CSMD1: variants seen among roughly 807,000 people sequenced by gnomAD.
The protein encoded by CSMD1 is CUB and Sushi multiple domains 1.
CSMD1 carries 213 observed loss-of-function variants against 417.5 expected under a neutral mutation model. The ratio of observed to expected loss-of-function variants is 0.51; its 90% CI spans 0.46 to 0.57. CSMD1 has a LOEUF of 0.57. CSMD1 is among the 20% of genes least tolerant of loss of function. CSMD1 has a pLI of 0.00. For synonymous variants in CSMD1, 2,862 were observed against 1,736.8 expected, an observed-to-expected ratio of 1.65 and a Z score of -16.11; for missense variants, 6,923 against 4,529.7, an observed-to-expected ratio of 1.53 and a Z score of -15.17.
At chr8:3,904,185 C>G (rs1232394654) in intron 5 of CSMD1, among the ~76,000 whole-genome samples, 1 of 152,072 alleles carries the variant, frequency 6.6e-6, no homozygotes, top group East Asian at 1.9e-4. Flanking sequence ...TTCTGGAGAA[C>G]CGGCCTGTGT....
intron 4 of CSMD1, among the ~76,000 whole-genome samples, chr8:4,022,477 G>A (rs371137695): frequency 2.6e-5 from 4 of 152,122 alleles, no homozygotes; most frequent in African/African-American, 7.2e-5. Flanking sequence ...CCTTGCTCAG[G>A]TTTAAAGACT....
chr8:4,576,216 C>A (rs984396971), intron 2 of CSMD1, among the ~76,000 whole-genome samples: 1 of 152,222 alleles, frequency 6.6e-6, no homozygotes, highest in Non-Finnish European at 1.5e-5. Context: ...CTCCAGTCCC[C>A]ACCTCGTCTT....
chr8:3,262,010 G>C (rs1484968786), intron 26 of CSMD1, among the ~76,000 whole-genome samples: 2 of 151,682 alleles, frequency 1.3e-5, no homozygotes, highest in African/African-American at 4.9e-5. Flanking sequence ...ACTGGGTAAA[G>C]TGTGCACAGG....
intron 49 of CSMD1, among the ~76,000 whole-genome samples, chr8:3,085,912 T>C (rs1273563830): frequency 6.6e-6 from 1 of 152,174 alleles, no homozygotes; most frequent in African/African-American, 2.4e-5. Flanking sequence ...GAGCACACTC[T>C]CTTTAGGCTC....
At chr8:3,302,979 AG>A (rs1382138460) in intron 25 of CSMD1, among the ~76,000 whole-genome samples, 2 of 152,212 alleles carry the variant, frequency 1.3e-5, no homozygotes, top group African/African-American at 2.4e-5. Context: ...CCAGAGCCCC[AG>A]GTTAAAGGGG....
At chr8:3,244,620 A>G (rs1484257383) in intron 26 of CSMD1, among the ~76,000 whole-genome samples, 1 of 152,222 alleles carries the variant, frequency 6.6e-6, no homozygotes, top group African/African-American at 2.4e-5. Flanking sequence ...AAGGCAGGAC[A>G]GCCAGGGTGA....
intron 5 of CSMD1, among the ~76,000 whole-genome samples, chr8:3,776,569 A>T (rs760565552): frequency 6.6e-6 from 1 of 151,940 alleles, no homozygotes; most frequent in Non-Finnish European, 1.5e-5. Flanking sequence ...CTCAAAGGTG[A>T]CTCACCTTCT....
chr8:2,993,274 C>T (rs1187910420), intron 54 of CSMD1, among the ~76,000 whole-genome samples: 2 of 152,176 alleles, frequency 1.3e-5, no homozygotes, highest in Non-Finnish European at 2.9e-5. Flanking sequence ...AAATTTGAAG[C>T]AACAAATGGG....
At chr8:4,100,499 T>G (rs12674985) in intron 3 of CSMD1, among the ~76,000 whole-genome samples, 1 of 151,916 alleles carries the variant, frequency 6.6e-6, no homozygotes, top group South Asian at 2.1e-4. Flanking sequence ...TCTCATCAAC[T>G]ATAAAATGGA....
rs535569312 is a variant in CSMD1, at chr8:3,235,475, A to T, written c.4154-5244T>A. 1.4e-3 allele frequency among the ~76,000 whole-genome samples: 216 copies of T among 152,310 alleles called. 1 individual carries two copies. The highest frequency in any genetic ancestry group is 5.1e-3 in the African/African-American group (211 of 41,582). ...TCTGGGAGTTAATAGGATCTGGTCA[A>T]ATGAGATTGGCAAATACTGCACACC... On this transcript the variant is annotated intron_variant, in intron 26 of 69. Coordinates refer to ENST00000635120, the MANE Select transcript of CSMD1 (RefSeq NM_033225.6).
chr8:4,101,368 A>G (rs752376013), intron 3 of CSMD1, among the ~76,000 whole-genome samples: 5 of 152,098 alleles, frequency 3.3e-5, no homozygotes, highest in Admixed American at 6.5e-5. Context: ...ACCACATTCC[A>G]TCTGGGGCCC....
chr8:3,310,810 G>C (rs545408554), intron 23 of CSMD1, among the ~76,000 whole-genome samples: 33 of 82,100 alleles, frequency 4.0e-4, no homozygotes, highest in African/African-American at 9.9e-4. Flanking sequence ...GCACCCAGGA[G>C]GTATCCACCT....
At chr8:4,606,217 A>G (rs1800859822) in intron 2 of CSMD1, among the ~76,000 whole-genome samples, 1 of 152,188 alleles carries the variant, frequency 6.6e-6, no homozygotes, top group South Asian at 2.1e-4. Context: ...TGCAGGTCTA[A>G]GAGTTGGAAG....
At chr8:4,829,007 A>G (rs1270326522) in intron 1 of CSMD1, among the ~76,000 whole-genome samples, 2 of 152,144 alleles carry the variant, frequency 1.3e-5, no homozygotes, top group African/African-American at 4.8e-5. Context: ...TGCACTAATT[A>G]TTATTATTAG....
chr8:4,963,371 T>C (rs1440651794), intron 1 of CSMD1, among the ~76,000 whole-genome samples: 1 of 152,114 alleles, frequency 6.6e-6, no homozygotes, highest in Non-Finnish European at 1.5e-5. Context: ...AGCTAATTTT[T>C]GTATTTTTAG....
At chr8:4,663,635 C>T (rs1804746210) in intron 1 of CSMD1, among the ~76,000 whole-genome samples, 1 of 152,188 alleles carries the variant, frequency 6.6e-6, no homozygotes, top group East Asian at 1.9e-4. Flanking sequence ...ACTTTCCCTT[C>T]CACTATGATT....
At chr8:4,119,426 T>A (rs1474328765) in intron 3 of CSMD1, among the ~76,000 whole-genome samples, 1 of 152,208 alleles carries the variant, frequency 6.6e-6, no homozygotes, top group African/African-American at 2.4e-5. Context: ...AGTCACAGGA[T>A]GATATTGATG....
intron 37 of CSMD1, among the ~76,000 whole-genome samples, chr8:3,169,074 C>A (rs1820421457): frequency 6.6e-6 from 1 of 152,162 alleles, no homozygotes; most frequent in South Asian, 2.1e-4. Context: ...TACCACCCAC[C>A]AACAACCTGG....
chr8:4,116,779 T>C (rs1410969478), intron 3 of CSMD1, among the ~76,000 whole-genome samples: 3 of 152,042 alleles, frequency 2.0e-5, no homozygotes, highest in Middle Eastern at 3.4e-3. Context: ...CTCTATAGTC[T>C]GTTCGGTTTT....
Sources: allele counts gnomAD v4.1 joint callset (sites outside exome capture counted in the v4.1 genomes callset), GRCh38; gene constraint gnomAD v4.1.1; transcripts MANE v1.5; gene names NCBI Gene and HGNC (gene_info 2026-07-23, HGNC 2026-07-21).